The following NIPAL2 variants were observed in gnomAD, a reference collection of about 807,000 sequenced individuals.
NIPAL2 encodes the protein NIPA like domain containing 2.
In NIPAL2, 43 loss-of-function variants were observed where a neutral mutation model predicts 48.9. The ratio of observed to expected loss-of-function variants is 0.88; its 90% CI spans 0.69 to 1.13. The LOEUF (loss-of-function observed/expected upper bound fraction) is 1.13, where lower values mean the gene tolerates loss of function less well. Among genes scored for constraint, NIPAL2 ranks in the 50% most tolerant of loss-of-function variants. The probability of loss-of-function intolerance (pLI) is 0.00; values close to 1 mark genes in which losing one functional copy is unlikely to be tolerated. For missense variants in NIPAL2, 446 were observed against 461.4 expected (o/e 0.97, Z 0.31); for synonymous variants, 167 against 174.6 (o/e 0.96, Z 0.34).
chr8:98,236,851 CAAAAAAAAAAA>C (rs34210829), intron 3 of NIPAL2, among the ~76,000 whole-genome samples: 1 of 66,898 alleles, frequency 1.5e-5, no homozygotes, highest in African/African-American at 5.0e-5. Context: ...GATCCTGTCT[CAAAAAAAAAAA>C]AAAAAAAAAA....
At chr8:98,204,719 C>A (rs1213029893) in intron 7 of NIPAL2, among the ~76,000 whole-genome samples, 1 of 151,976 alleles carries the variant, frequency 6.6e-6, no homozygotes, top group Non-Finnish European at 1.5e-5. Context: ...TGAGCATGAG[C>A]TAAGAAATGA....
At chr8:98,266,847 G>A (rs1814791276) in intron 1 of NIPAL2, among the ~76,000 whole-genome samples, 1 of 152,080 alleles carries the variant, frequency 6.6e-6, no homozygotes, top group Non-Finnish European at 1.5e-5. Flanking sequence ...GTCCGCTTAT[G>A]AAACTATGAT....
intron 1 of NIPAL2, among the ~76,000 whole-genome samples, chr8:98,262,311 C>T (rs1185722635): frequency 6.0e-5 from 9 of 150,540 alleles, no homozygotes. Flanking sequence ...ACTAAATGCT[C>T]CAATTAAAAG....
At chr8:98,195,409 A>G (rs1033086730) in intron 9 of NIPAL2, among the ~76,000 whole-genome samples, 3 of 152,134 alleles carry the variant, frequency 2.0e-5, no homozygotes, top group Admixed American at 6.5e-5. Context: ...CTGGTGATAT[A>G]TTGTCAAAGT....
chr8:98,286,822 A>AAC (rs1320259022), intron 1 of NIPAL2, among the ~76,000 whole-genome samples: 2 of 148,098 alleles, frequency 1.4e-5, no homozygotes, highest in Non-Finnish European at 3.0e-5. Context: ...CAAAAAAAAA[A>AAC]AAAAAAAAAA....
At chr8:98,220,402 G>A (rs985855659) in intron 5 of NIPAL2, among the ~76,000 whole-genome samples, 1 of 149,766 alleles carries the variant, frequency 6.7e-6, no homozygotes, top group Non-Finnish European at 1.5e-5. Context: ...AATTCTGTGT[G>A]CTTTGATTTT....
intron 1 of NIPAL2, among the ~76,000 whole-genome samples, chr8:98,264,874 C>T (rs1814608013): frequency 6.6e-6 from 1 of 151,966 alleles, no homozygotes; most frequent in Admixed American, 6.6e-5. Flanking sequence ...TACCTGACTT[C>T]AAACTATACT....
At chr8:98,265,262 A>G (rs1294566097) in intron 1 of NIPAL2, among the ~76,000 whole-genome samples, 1 of 151,788 alleles carries the variant, frequency 6.6e-6, no homozygotes, top group Non-Finnish European at 1.5e-5. Flanking sequence ...AATGGCAACA[A>G]AAGCCAAAAT....
In NIPAL2 at chr8:98,193,425, G is replaced by A. The variant is rs200309381; in HGVS notation, c.1040-335C>T. On this transcript the variant is annotated intron_variant, in intron 10 of 10. Coordinates refer to ENST00000430223, the MANE Select transcript of NIPAL2 (RefSeq NM_001321635.2). Reference sequence around the variant, plus strand: ...TCTGGGGTTGTGTCTTCTTTTCCACGTCGAATGCATATAACAACATAGAAA... The same window carrying A: ...TCTGGGGTTGTGTCTTCTTTTCCACATCGAATGCATATAACAACATAGAAA... The A allele has an allele frequency of 2.9e-4, 467 of 1,613,826 alleles. 2 individuals are homozygous for A. Among genetic ancestry groups the A allele is most frequent in the South Asian group, 7.1e-4 (65 of 91,076 alleles).
intron 1 of NIPAL2, among the ~76,000 whole-genome samples, chr8:98,261,158 T>A (rs1228944013): frequency 1.3e-5 from 2 of 150,672 alleles, no homozygotes; most frequent in East Asian, 3.9e-4. Context: ...CAAAAGTAGA[T>A]AAAACCACAA....
Position 98,192,883 on chromosome 8 carries a change from T to C in NIPAL2, c.*95A>G, listed in dbSNP as rs3735885. ...GACTGAAATGAATGCTAGCACATGT[T>C]AGCTTATAAAAGAGCTGCTGACACA... On this transcript the variant is annotated 3_prime_UTR_variant, in exon 11 of 11. Transcript: ENST00000430223. 0.53 allele frequency: 403,678 copies of C among 758,502 alleles called. 108,677 individuals are homozygous for C. Among genetic ancestry groups the C allele is most frequent in the Admixed American group, 0.63 (31,413 of 50,244 alleles). 47.0% of individuals were successfully genotyped at this position (758,502 alleles called of 1,614,324 possible).
chr8:98,224,431 G>C (rs1036692492), intron 4 of NIPAL2, among the ~76,000 whole-genome samples: 1 of 151,078 alleles, frequency 6.6e-6, no homozygotes, highest in Non-Finnish European at 1.5e-5. Flanking sequence ...TTTCACATCA[G>C]TAAATGCAGG....
At chr8:98,224,591 C>T (rs1812059619) in intron 4 of NIPAL2, among the ~76,000 whole-genome samples, 1 of 151,964 alleles carries the variant, frequency 6.6e-6, no homozygotes, top group Admixed American at 6.6e-5. Context: ...CCATGACTGT[C>T]CCTATCAATG....
At chr8:98,271,800 T>C (rs1361750464) in intron 1 of NIPAL2, among the ~76,000 whole-genome samples, 1 of 152,192 alleles carries the variant, frequency 6.6e-6, no homozygotes, top group South Asian at 2.1e-4. Context: ...TTTTTGCCCA[T>C]TTAGCATGAT....
intron 5 of NIPAL2, among the ~76,000 whole-genome samples, chr8:98,218,451 G>A (rs936181823): frequency 2.0e-5 from 3 of 152,234 alleles, no homozygotes; most frequent in African/African-American, 7.2e-5. Flanking sequence ...TTGGCACAAA[G>A]TATGACAGAC....
chr8:98,255,293 T>C (rs1035357406), intron 1 of NIPAL2, among the ~76,000 whole-genome samples: 1 of 152,238 alleles, frequency 6.6e-6, no homozygotes, highest in African/African-American at 2.4e-5. Flanking sequence ...AAGTATAATA[T>C]CTGCTATTAG....
chr8:98,197,293 G>A (rs1810595208), intron 8 of NIPAL2, among the ~76,000 whole-genome samples: 1 of 152,034 alleles, frequency 6.6e-6, no homozygotes, highest in Non-Finnish European at 1.5e-5. Context: ...ATAGCATTAT[G>A]TCTAAAAAAA....
intron 4 of NIPAL2, among the ~76,000 whole-genome samples, chr8:98,228,477 A>T (rs773279702): frequency 6.6e-5 from 10 of 152,212 alleles, no homozygotes. Context: ...GCTACTTGCT[A>T]CCTGGAAGAG....
At position 98,254,011 on chromosome 8, in the gene NIPAL2, T is replaced by A; in HGVS notation, c.204+8A>T. On this transcript the variant is annotated splice_region_variant and intron_variant, in intron 2 of 10. Transcript: ENST00000430223. ...CTATAGTGTTAGAAAAATAAGCTTT[T>A]TTCTTACCTGAATATTTAGAGAAAT... 6.2e-7 allele frequency: 1 copy of A among 1,600,710 alleles called. No homozygotes were observed. The highest frequency in any genetic ancestry group is 8.6e-7 in the Non-Finnish European group (1 of 1,169,524).
Sources: allele counts gnomAD v4.1 joint callset (sites outside exome capture counted in the v4.1 genomes callset), GRCh38; gene constraint gnomAD v4.1.1; transcripts MANE v1.5; gene names NCBI Gene and HGNC (gene_info 2026-07-23, HGNC 2026-07-21).